The following DLGAP2 variants were observed in gnomAD, a reference collection of about 807,000 sequenced individuals.
DLGAP2 encodes the protein disks large-associated protein 2.
DLGAP2 carries 26 observed loss-of-function variants against 100.3 expected under a neutral mutation model. That is an observed-to-expected ratio of 0.26 (90% CI 0.19 to 0.36). DLGAP2 has a LOEUF of 0.36. DLGAP2 is among the 10% of genes least tolerant of loss of function. The pLI, the probability that DLGAP2 is intolerant of heterozygous loss-of-function variation, is 1.00. For missense variants in DLGAP2, 1,858 were observed against 1,453.2 expected (o/e 1.28, Z -4.53); for synonymous variants, 886 against 630.1 (o/e 1.41, Z -6.08).
intron 3 of DLGAP2, among the ~76,000 whole-genome samples, chr8:1,371,176 C>T (rs541800610): frequency 3.3e-5 from 5 of 152,324 alleles, no homozygotes; most frequent in East Asian, 1.9e-4. Context: ...TTTCTTTTGC[C>T]TCCGTCCTGT....
At chr8:1,026,793 G>T (rs1469986176) in intron 2 of DLGAP2, among the ~76,000 whole-genome samples, 3 of 152,076 alleles carry the variant, frequency 2.0e-5, no homozygotes, top group African/African-American at 7.2e-5. Flanking sequence ...CTATGCTTTA[G>T]GTAAAATATT....
intron 3 of DLGAP2, among the ~76,000 whole-genome samples, chr8:1,263,938 A>C (rs1799401018): frequency 1.3e-5 from 2 of 152,286 alleles, no homozygotes; most frequent in South Asian, 4.1e-4. Context: ...TAATATTTGA[A>C]GGAAAACAGA....
intron 1 of DLGAP2, among the ~76,000 whole-genome samples, chr8:866,480 A>G (rs962799803): frequency 1.3e-5 from 2 of 152,132 alleles, no homozygotes. Flanking sequence ...CCGTCTGCAT[A>G]GGGTAGCTGA....
intron 2 of DLGAP2, among the ~76,000 whole-genome samples, chr8:1,147,212 A>G (rs571353038): frequency 2.6e-5 from 4 of 152,304 alleles, no homozygotes; most frequent in Non-Finnish European, 4.4e-5. Flanking sequence ...TAGATTTATC[A>G]TAGGTATTCG....
chr8:856,171 A>ATCTTCT (rs55832882), intron 1 of DLGAP2, among the ~76,000 whole-genome samples: 21 of 126,576 alleles, frequency 1.7e-4, no homozygotes, highest in Admixed American at 2.6e-4. Context: ...TAGTGGAAAA[A>ATCTTCT]TCTTCTTCTT....
At chr8:1,048,872 G>A (rs572498776) in intron 2 of DLGAP2, among the ~76,000 whole-genome samples, 15 of 152,186 alleles carry the variant, frequency 9.9e-5, no homozygotes, top group Non-Finnish European at 1.5e-4. Context: ...AATTCAGTGT[G>A]CCTATAAATA....
intron 2 of DLGAP2, among the ~76,000 whole-genome samples, chr8:1,161,183 C>T (rs1318938287): frequency 1.3e-5 from 2 of 152,180 alleles, no homozygotes; most frequent in Non-Finnish European, 2.9e-5. Flanking sequence ...CTTGTAAACA[C>T]ATCGATGTAT....
chr8:751,769 C>T (rs1172911000), intron 1 of DLGAP2, among the ~76,000 whole-genome samples: 1 of 151,848 alleles, frequency 6.6e-6, no homozygotes, highest in East Asian at 1.9e-4. Context: ...ATAGTAAGTC[C>T]TTATAGTAAG....
intron 3 of DLGAP2, among the ~76,000 whole-genome samples, chr8:1,417,766 T>C (rs1456630608): frequency 1.8e-5 from 2 of 110,792 alleles, no homozygotes; most frequent in Non-Finnish European, 3.8e-5. Context: ...GACCAGAGGG[T>C]CCTGGAATGA....
chr8:1,038,393 C>G (rs752118234), intron 2 of DLGAP2, among the ~76,000 whole-genome samples: 33 of 152,148 alleles, frequency 2.2e-4, no homozygotes, highest in Admixed American at 7.2e-4. Flanking sequence ...ACCCCACCAG[C>G]AAATGTCCTC....
chr8:1,339,381 A>G (rs558288036), intron 3 of DLGAP2, among the ~76,000 whole-genome samples: 2 of 152,258 alleles, frequency 1.3e-5, no homozygotes, highest in Admixed American at 1.3e-4. Context: ...GTAAGGCGTC[A>G]GGACCCTGGA....
Position 1,703,389 on chromosome 8 carries a change from T to A in DLGAP2, c.*1983T>A, listed in dbSNP as rs1246007147. ...GCATTTTTCTACCTAAATGAATACC[T>A]AAATCTTGAGTAGTGTACGGTAATG... On this transcript the variant is annotated 3_prime_UTR_variant, in exon 15 of 15. Transcript: ENST00000637795. 1 of 152,610 alleles carries A rather than the reference T, an allele frequency of 6.6e-6. No individual in the cohort carries two copies. The highest frequency in any genetic ancestry group is 1.5e-5 in the Non-Finnish European group (1 of 68,038). The allele number at this position is 152,610 out of a possible 1,614,324, so 9.5% of individuals were successfully genotyped here. A position where few individuals can be genotyped will look rare whatever the true frequency, so the allele number is the denominator to read the frequency against.
chr8:993,939 C>T (rs974080387), intron 2 of DLGAP2, among the ~76,000 whole-genome samples: 1 of 151,742 alleles, frequency 6.6e-6, no homozygotes, highest in African/African-American at 2.4e-5. Context: ...TGGTAATTTT[C>T]CCTTTTTGGT....
At chr8:768,176 C>T (rs982638209) in intron 1 of DLGAP2, among the ~76,000 whole-genome samples, 12 of 152,078 alleles carry the variant, frequency 7.9e-5, no homozygotes, top group African/African-American at 2.9e-4. Context: ...GGAGCCCGTT[C>T]ACTGCAGCGT....
At chr8:1,183,052 C>T (rs1310179373) in intron 2 of DLGAP2, among the ~76,000 whole-genome samples, 1 of 152,146 alleles carries the variant, frequency 6.6e-6, no homozygotes, top group Admixed American at 6.5e-5. Flanking sequence ...CACCCAGCAG[C>T]GGGACCTACT....
chr8:1,327,397 G>A (rs964470528), intron 3 of DLGAP2, among the ~76,000 whole-genome samples: 2 of 152,222 alleles, frequency 1.3e-5, no homozygotes, highest in South Asian at 2.1e-4. Context: ...TGAGAATGAT[G>A]TATGCCTGAG....
At chr8:1,073,778 C>G (rs769484669) in intron 2 of DLGAP2, among the ~76,000 whole-genome samples, 3 of 152,262 alleles carry the variant, frequency 2.0e-5, no homozygotes, top group African/African-American at 4.8e-5. Flanking sequence ...ACTGCCGTTC[C>G]TTCCCAAACG....
chr8:1,032,320 T>C (rs1801999113), intron 2 of DLGAP2, among the ~76,000 whole-genome samples: 1 of 152,210 alleles, frequency 6.6e-6, no homozygotes, highest in Admixed American at 6.5e-5. Context: ...CCCGCTCCAG[T>C]TGGTGCCCTG....
chr8:1,017,895 C>T (rs190145659), intron 2 of DLGAP2, among the ~76,000 whole-genome samples: 1 of 152,228 alleles, frequency 6.6e-6, no homozygotes, highest in East Asian at 1.9e-4. Context: ...ACTGAGTTTG[C>T]AGAGAAAGTT....
Sources: allele counts gnomAD v4.1 joint callset (sites outside exome capture counted in the v4.1 genomes callset), GRCh38; gene constraint gnomAD v4.1.1; transcripts MANE v1.5; gene names NCBI Gene and HGNC (gene_info 2026-07-23, HGNC 2026-07-21).